The following PSD2 variants were observed in gnomAD, a reference collection of about 807,000 sequenced individuals.
PSD2 encodes PH and SEC7 domain-containing protein 2.
In PSD2, 38 loss-of-function variants were observed where a neutral mutation model predicts 69.8. That is an observed-to-expected ratio of 0.54 (90% CI 0.42 to 0.71). The LOEUF is 0.71. PSD2 is among the 30% of genes least tolerant of loss of function. The pLI is 0.00. For missense variants in PSD2, 943 were observed against 1,014.5 expected (o/e 0.93, Z 0.96); for synonymous variants, 412 against 423.0 (o/e 0.97, Z 0.32).
At position 139,813,924 on chromosome 5, in the gene PSD2, T is replaced by C. The variant is rs144018661; in HGVS notation, c.821+166T>C. 1.0e-3 allele frequency among the ~76,000 whole-genome samples: 157 copies of C among 152,310 alleles called. 1 individual carries two copies. The highest frequency in any genetic ancestry group is 3.4e-3 in the Middle Eastern group (1 of 294). Reference sequence around the variant, plus strand: ...GGCTTCCCACCCTGTGTCCTGAGGTTTCATTCTGCTCTTCCAGGCCTTCTC... The same window carrying C: ...GGCTTCCCACCCTGTGTCCTGAGGTCTCATTCTGCTCTTCCAGGCCTTCTC... On this transcript the variant is annotated intron_variant, in intron 3 of 14. Coordinates refer to ENST00000274710, the MANE Select transcript of PSD2 (RefSeq NM_032289.4).
At chr5:139,773,394 T>C in the PSD2 span, among the ~76,000 whole-genome samples, 4 of 152,168 alleles carry the variant, frequency 2.6e-5, no homozygotes, top group African/African-American at 9.7e-5. Context: ...TCTTGATAGC[T>C]GGGACTACAG....
the PSD2 span, among the ~76,000 whole-genome samples, chr5:139,753,073 C>T: frequency 6.6e-6 from 1 of 152,170 alleles, no homozygotes; most frequent in African/African-American, 2.4e-5. Flanking sequence ...GAAGTTATGA[C>T]TCAACCCACC....
the PSD2 span, among the ~76,000 whole-genome samples, chr5:139,786,987 C>G: frequency 6.6e-6 from 1 of 152,102 alleles, no homozygotes; most frequent in Non-Finnish European, 1.5e-5. Flanking sequence ...GGGATTCTGT[C>G]ACTCGCACAA....
chr5:139,805,012 A>T (rs1275023597), intron 1 of PSD2, among the ~76,000 whole-genome samples: 3 of 137,548 alleles, frequency 2.2e-5, no homozygotes, highest in Non-Finnish European at 4.7e-5. Flanking sequence ...TGTGTGTGTG[A>T]GTGTGTGCGT....
At chr5:139,770,439 C>T in the PSD2 span, among the ~76,000 whole-genome samples, 3 of 152,088 alleles carry the variant, frequency 2.0e-5, no homozygotes, top group South Asian at 4.1e-4. Context: ...GGACTATAAT[C>T]CCAGCTGCTC....
Position 139,837,548 on chromosome 5 carries a change from G to C in PSD2, c.1666-77G>C. ...GAAAATTAAGGGAGCCGTAGGGTTAGACAGAGAGCAGTGAGGGGAGGGGAG... is the reference window on the plus strand; with the variant it reads ...GAAAATTAAGGGAGCCGTAGGGTTACACAGAGAGCAGTGAGGGGAGGGGAG... On this transcript the variant is annotated intron_variant, in intron 11 of 14. Transcript: ENST00000274710. The surrounding 1 kb of genome is among the most constrained non-coding windows in gnomAD (Gnocchi z 5.0). 6.9e-7 allele frequency: 1 copy of C among 1,444,280 alleles called. No individual in the cohort carries two copies. The highest frequency in any genetic ancestry group is 9.4e-7 in the Non-Finnish European group (1 of 1,059,774). 89.5% of individuals were successfully genotyped at this position (1,444,280 alleles called of 1,614,324 possible).
chr5:139,791,410 T>C (rs1759413610), upstream of PSD2, among the ~76,000 whole-genome samples: 1 of 152,022 alleles, frequency 6.6e-6, no homozygotes, highest in Admixed American at 6.6e-5. Flanking sequence ...AGCCTGGGTA[T>C]TCCTGTCTCT....
At chr5:139,803,074 C>T (rs1011973062) in intron 1 of PSD2, among the ~76,000 whole-genome samples, 2 of 152,212 alleles carry the variant, frequency 1.3e-5, no homozygotes, top group South Asian at 2.1e-4. Context: ...TTAAAGAGGG[C>T]GTAGGTTCTT....
At chr5:139,775,954 C>A in the PSD2 span, among the ~76,000 whole-genome samples, 4 of 152,252 alleles carry the variant, frequency 2.6e-5, no homozygotes, top group Admixed American at 2.6e-4. Flanking sequence ...CAGGCGTGAG[C>A]CACTGAGTCC....
At chr5:139,764,720 G>A in the PSD2 span, among the ~76,000 whole-genome samples, 2 of 152,190 alleles carry the variant, frequency 1.3e-5, no homozygotes, top group African/African-American at 4.8e-5. Flanking sequence ...TGAGCAGGGG[G>A]CTCCTTATTT....
At chr5:139,790,237 G>A in the PSD2 span, among the ~76,000 whole-genome samples, 1 of 152,196 alleles carries the variant, frequency 6.6e-6, no homozygotes, top group East Asian at 1.9e-4. Flanking sequence ...TGGCCTTGTG[G>A]TCGTGATGTT....
chr5:139,811,689 G>T (rs1165090384), intron 2 of PSD2, among the ~76,000 whole-genome samples: 1 of 152,042 alleles, frequency 6.6e-6, no homozygotes, highest in Non-Finnish European at 1.5e-5. Flanking sequence ...CCACCTCCCG[G>T]GTTCACGCTA....
At chr5:139,835,913 C>T in intron 9 of PSD2, 147 bp downstream of exon 9, 2 of 748,660 alleles carry the variant, frequency 2.7e-6, no homozygotes, top group Admixed American at 2.1e-5. Flanking sequence ...CTGGCGCACA[C>T]CTGGTGTTGA....
rs143418430 is a variant in PSD2, at chr5:139,800,526, T to C, written c.-51+4551T>C. On this transcript the variant is annotated intron_variant, in intron 1 of 14. Transcript: ENST00000274710. The stretch of plus-strand genomic sequence containing the variant: ...ATCCGCCCTCCTCGGCTGCCCTCCT[T>C]GGCTTCCCAAAGTGCTGGGATTATG... Among the ~76,000 whole-genome samples the C allele has an allele frequency of 6.1e-3, 926 of 152,322 alleles. 12 individuals carry two copies. The highest frequency in any genetic ancestry group is 0.02 in the African/African-American group (849 of 41,574).
rs1172893688 is a variant in PSD2, at chr5:139,830,566, CT to C, written c.1270-3133del. Reference sequence around the variant, plus strand: ...CCTTCCTTCCTTCCTTCCTTCCTTCCTTTCTTTCTTTCTTTCTTTCTTTCTT... The same window carrying C: ...CCTTCCTTCCTTCCTTCCTTCCTTCCTTCTTTCTTTCTTTCTTTCTTTCTT... On this transcript the variant is annotated intron_variant, in intron 7 of 14. Transcript: ENST00000274710. Among the ~76,000 whole-genome samples, 409 of 125,202 alleles carry C rather than the reference CT, an allele frequency of 3.3e-3. 3 individuals are homozygous for C. Among genetic ancestry groups the C allele is most frequent in the Admixed American group, 8.5e-3 (113 of 13,338 alleles). 82.1% of individuals were successfully genotyped at this position (125,202 alleles called of 152,430 possible).
At chr5:139,828,871 T>C (rs1346475664) in intron 7 of PSD2, among the ~76,000 whole-genome samples, 1 of 152,150 alleles carries the variant, frequency 6.6e-6, no homozygotes, top group Non-Finnish European at 1.5e-5. Context: ...GAGGAGATGG[T>C]CACCCTGGCC....
chr5:139,830,561 CCTTCCTTT>C (rs1463686069), intron 7 of PSD2, among the ~76,000 whole-genome samples: 95 of 129,638 alleles, frequency 7.3e-4, no homozygotes, highest in East Asian at 1.3e-3. Context: ...TTCCTTCCTT[CCTTCCTTT>C]CTTTCTTTCT....
chr5:139,748,395 T>G, the PSD2 span, among the ~76,000 whole-genome samples: 1 of 152,178 alleles, frequency 6.6e-6, no homozygotes, highest in South Asian at 2.1e-4. Flanking sequence ...AGATGTACCC[T>G]AGGCCCCCGG....
chr5:139,755,662 TGTGTGC>T, the PSD2 span, among the ~76,000 whole-genome samples: 22 of 148,546 alleles, frequency 1.5e-4, no homozygotes, highest in Admixed American at 1.5e-3. Flanking sequence ...TGTGTGTGTG[TGTGTGC>T]GCGCGCATGA....
Sources: gnomAD v4.1 joint callset for allele counts (sites outside exome capture counted in the v4.1 genomes callset) on GRCh38, gnomAD v4.1.1 for gene constraint, Gnocchi (gnomAD v3.1) non-coding constraint, MANE v1.5 for transcripts, NCBI Gene and HGNC (gene_info 2026-07-23, HGNC 2026-07-21) for gene names.